The following ARID1B variants were observed in gnomAD, a reference collection of about 807,000 sequenced individuals.
The protein encoded by ARID1B is AT-rich interactive domain-containing protein 1B.
ARID1B carries 30 observed loss-of-function variants against 212.3 expected under a neutral mutation model. That is an observed-to-expected ratio of 0.14 (90% CI 0.11 to 0.19). ARID1B has a LOEUF of 0.19. Among genes scored for constraint, ARID1B ranks in the 10% least tolerant of loss-of-function variants. The pLI, the probability that ARID1B is intolerant of heterozygous loss-of-function variation, is 1.00. For missense variants in ARID1B, 2,891 were observed against 3,204.0 expected (o/e 0.90, Z 2.36); for synonymous variants, 1,402 against 1,301.7 (o/e 1.08, Z -1.66).
chr6:157,099,341 C>A (rs1785897688), intron 5 of ARID1B, among the ~76,000 whole-genome samples: 1 of 152,062 alleles, frequency 6.6e-6, no homozygotes. Context: ...TTAACTTGTC[C>A]TTTGCCTTGC....
intron 10 of ARID1B, 29 bp from the exon 11 acceptor site, chr6:157,174,818 T>C (rs1055824915): frequency 1.6e-5 from 3 of 187,202 alleles, no homozygotes; most frequent in African/African-American, 8.8e-5. Context: ...ACCTTTGTCA[T>C]TTTTTTTTTT....
At chr6:157,135,025 A>C (rs1424632091) in intron 7 of ARID1B, among the ~76,000 whole-genome samples, 1 of 152,118 alleles carries the variant, frequency 6.6e-6, no homozygotes, top group Non-Finnish European at 1.5e-5. Context: ...TCTTTTGTGA[A>C]CAACTAAGGA....
chr6:156,988,792 C>T (rs1447443109), intron 4 of ARID1B, among the ~76,000 whole-genome samples: 1 of 152,234 alleles, frequency 6.6e-6, no homozygotes, highest in East Asian at 1.9e-4. Context: ...GTGCGTTTTA[C>T]TGCCTTCTTC....
intron 4 of ARID1B, among the ~76,000 whole-genome samples, chr6:157,079,249 G>C (rs1784487061): frequency 1.3e-5 from 2 of 152,246 alleles, no homozygotes; most frequent in Non-Finnish European, 2.9e-5. Flanking sequence ...TGTGGTCTAA[G>C]ATAGGAAGTC....
chr6:157,197,792 C>A (rs537622323), intron 16 of ARID1B, among the ~76,000 whole-genome samples: 9 of 152,254 alleles, frequency 5.9e-5, no homozygotes, highest in Non-Finnish European at 1.3e-4. Flanking sequence ...GAGAGGTTTA[C>A]CTCATTGTTA....
At chr6:156,940,821 G>C (rs1418939712) in intron 4 of ARID1B, 1 of 152,146 alleles carries the variant, frequency 6.6e-6, no homozygotes, top group Non-Finnish European at 1.5e-5. Flanking sequence ...TTTTAACTGG[G>C]TTCAGCTTTT....
intron 15 of ARID1B, chr6:157,194,406 G>A (rs1793581975): frequency 6.6e-6 from 1 of 152,226 alleles, no homozygotes; most frequent in Non-Finnish European, 1.5e-5. Context: ...CTAACAAAAT[G>A]TATCTACTCA....
intron 8 of ARID1B, 114 bp downstream of exon 8, chr6:157,149,065 A>C: frequency 4.5e-6 from 5 of 1,114,786 alleles, no homozygotes; most frequent in Non-Finnish European, 6.3e-6. Flanking sequence ...GTAGAATGTC[A>C]CTGTGCTTGG....
chr6:156,879,007 G>A (rs747257114), intron 2 of ARID1B, among the ~76,000 whole-genome samples: 2 of 152,246 alleles, frequency 1.3e-5, no homozygotes, highest in African/African-American at 4.8e-5. Context: ...GCAGTCTGAT[G>A]TAGGTAGGAC....
chr6:157,055,210 T>A (rs1007827980), intron 4 of ARID1B, among the ~76,000 whole-genome samples: 4 of 152,208 alleles, frequency 2.6e-5, no homozygotes, highest in African/African-American at 9.6e-5. Context: ...TCCTTCTACT[T>A]CAAGCCAGAT....
At chr6:156,854,469 A>G (rs1784779962) in intron 2 of ARID1B, among the ~76,000 whole-genome samples, 1 of 152,226 alleles carries the variant, frequency 6.6e-6, no homozygotes. Flanking sequence ...GGAGCAGAGC[A>G]CGGAAGATTC....
chr6:156,852,434 CAAG>C (rs1177093943), intron 2 of ARID1B, among the ~76,000 whole-genome samples: 1 of 149,902 alleles, frequency 6.7e-6, no homozygotes, highest in East Asian at 1.9e-4. Flanking sequence ...GGCAACAGAG[CAAG>C]AAGACTCTGT....
intron 2 of ARID1B, among the ~76,000 whole-genome samples, chr6:156,872,162 A>C (rs1302989185): frequency 1.3e-5 from 2 of 152,226 alleles, no homozygotes; most frequent in Admixed American, 6.5e-5. Context: ...AATCGTCTGA[A>C]CTACAATTTC....
intron 3 of ARID1B, among the ~76,000 whole-genome samples, chr6:156,914,034 TC>T: frequency 1.0e-5 from 1 of 99,064 alleles, no homozygotes; most frequent in African/African-American, 4.4e-5. Flanking sequence ...CCCATTCCAC[TC>T]TCTACTCCCG....
chr6:156,885,219 A>G (rs1436871048), intron 2 of ARID1B, among the ~76,000 whole-genome samples: 3 of 152,212 alleles, frequency 2.0e-5, no homozygotes, highest in East Asian at 3.8e-4. Flanking sequence ...TAAGACAGGT[A>G]TTTGTACCAG....
At chr6:156,950,138 A>C (rs2128303611) in intron 4 of ARID1B, among the ~76,000 whole-genome samples, 1 of 152,282 alleles carries the variant, frequency 6.6e-6, no homozygotes, top group East Asian at 1.9e-4. Context: ...ATTGGGGTTC[A>C]CCCTCCCTTG....
At chr6:156,928,391 T>G (rs1382472536) in intron 3 of ARID1B, among the ~76,000 whole-genome samples, 2 of 152,120 alleles carry the variant, frequency 1.3e-5, no homozygotes, top group Non-Finnish European at 2.9e-5. Flanking sequence ...TAATGAGTTG[T>G]GTGGGGTGGC....
intron 4 of ARID1B, among the ~76,000 whole-genome samples, chr6:156,967,837 T>C (rs1393548443): frequency 6.6e-6 from 1 of 152,206 alleles, no homozygotes; most frequent in African/African-American, 2.4e-5. Flanking sequence ...ATATTGAAAT[T>C]GGTGATAAGA....
At chr6:157,123,250 CACA>C in intron 6 of ARID1B, among the ~76,000 whole-genome samples, 2 of 93,846 alleles carry the variant, frequency 2.1e-5, no homozygotes, top group African/African-American at 8.9e-5. Context: ...CCCCCCCCCA[CACA>C]CACACAAGCA....
Sources: gnomAD v4.1 joint callset for allele counts (sites outside exome capture counted in the v4.1 genomes callset) on GRCh38, gnomAD v4.1.1 for gene constraint, MANE v1.5 for transcripts, NCBI Gene and HGNC (gene_info 2026-07-23, HGNC 2026-07-21) for gene names.